Variants in DEPTOR observed in about 807,000 individuals in gnomAD.
DEPTOR encodes the protein DEP domain-containing mTOR-interacting protein.
DEPTOR carries 41 observed loss-of-function variants against 41.6 expected under a neutral mutation model. The ratio of observed to expected loss-of-function variants is 0.98; its 90% confidence interval spans 0.77 to 1.28. The LOEUF (loss-of-function observed/expected upper bound fraction) is 1.28, where lower values mean the gene tolerates loss of function less well. Among genes scored for constraint, DEPTOR ranks in the 50% most tolerant of loss-of-function variants. The probability of loss-of-function intolerance (pLI) is 0.00; values close to 1 mark genes in which losing one functional copy is unlikely to be tolerated. For synonymous variants in DEPTOR, 195 were observed against 192.3 expected (o/e 1.01, Z -0.12); for missense variants, 514 against 527.9 (o/e 0.97, Z 0.26).
Position 120,031,763 on chromosome 8 carries a change from C to T in DEPTOR, c.1102-17813C>T, listed in dbSNP as rs530636445. Among the ~76,000 whole-genome samples, 4 of 152,304 alleles carry T rather than the reference C, an allele frequency of 2.6e-5. No homozygotes were observed. In the South Asian group the frequency reaches 8.3e-4, roughly 32 times the overall value. Reference sequence around the variant, plus strand: ...CAACATTTTTCTTCAAATTAGGCAGCCTTGATACTGGGAGCTCTCTTGTCT... The same window carrying T: ...CAACATTTTTCTTCAAATTAGGCAGTCTTGATACTGGGAGCTCTCTTGTCT... On this transcript the variant is annotated intron_variant, in intron 8 of 8. Coordinates refer to ENST00000286234, the MANE Select transcript of DEPTOR (RefSeq NM_022783.4).
chr8:120,006,911 C>T (rs748734475), intron 7 of DEPTOR, 36 bp downstream of exon 7: 1 of 1,603,378 alleles, frequency 6.2e-7, no homozygotes, highest in South Asian at 1.1e-5. Context: ...TCCCGTGCTG[C>T]CCATTTTTCT....
At chr8:119,964,824 A>T (rs1245268776) in intron 3 of DEPTOR, among the ~76,000 whole-genome samples, 1 of 151,948 alleles carries the variant, frequency 6.6e-6, no homozygotes, top group East Asian at 1.9e-4. Context: ...TTGTAATCCC[A>T]GCACTTTGGG....
chr8:119,962,317 T>A (rs1356333573), intron 3 of DEPTOR, among the ~76,000 whole-genome samples: 1 of 151,986 alleles, frequency 6.6e-6, no homozygotes, highest in East Asian at 1.9e-4. Context: ...GGACTCAACC[T>A]TCTTGGAGCC....
At chr8:119,971,088 C>T (rs894081502) in intron 4 of DEPTOR, among the ~76,000 whole-genome samples, 3 of 152,076 alleles carry the variant, frequency 2.0e-5, no homozygotes, top group South Asian at 2.1e-4. Flanking sequence ...AAAACTTAGC[C>T]GGGCATGGTG....
At chr8:119,882,005 C>T (rs553310821) in intron 1 of DEPTOR, among the ~76,000 whole-genome samples, 19 of 152,314 alleles carry the variant, frequency 1.2e-4, no homozygotes, top group Non-Finnish European at 2.8e-4. Flanking sequence ...ATTGTCCCGC[C>T]TCAGCGTCCT....
chr8:119,970,740 G>T (rs536504025), intron 4 of DEPTOR, among the ~76,000 whole-genome samples: 1 of 152,284 alleles, frequency 6.6e-6, no homozygotes, highest in East Asian at 1.9e-4. Flanking sequence ...ACAGTGAAAG[G>T]ATACACAGCA....
intron 1 of DEPTOR, among the ~76,000 whole-genome samples, chr8:119,922,246 A>T (rs537674528): frequency 6.6e-6 from 1 of 152,100 alleles, no homozygotes; most frequent in East Asian, 1.9e-4. Flanking sequence ...TCAAAAAAAA[A>T]AAAAAAGATA....
chr8:119,941,745 C>G (rs962799351), intron 3 of DEPTOR, among the ~76,000 whole-genome samples: 3 of 152,164 alleles, frequency 2.0e-5, no homozygotes, highest in African/African-American at 7.2e-5. Context: ...TGGTTATTCT[C>G]CCTTTGGAAA....
chr8:119,883,608 A>G (rs1827327824), intron 1 of DEPTOR, among the ~76,000 whole-genome samples: 1 of 151,950 alleles, frequency 6.6e-6, no homozygotes, highest in Non-Finnish European at 1.5e-5. Context: ...GCAGCTGCAG[A>G]GGAGGAGGTA....
intron 3 of DEPTOR, among the ~76,000 whole-genome samples, chr8:119,954,845 G>GGT (rs10649943): frequency 0.53 from 77,863 of 147,840 alleles, 20,927 homozygotes; most frequent in Middle Eastern, 0.66. Context: ...GGCAAATATT[G>GGT]GTGTGTGTGT....
intron 2 of DEPTOR, among the ~76,000 whole-genome samples, chr8:119,929,282 T>G (rs1828009673): frequency 6.6e-6 from 1 of 152,122 alleles, no homozygotes; most frequent in Non-Finnish European, 1.5e-5. Flanking sequence ...CCAATTTCGA[T>G]TCATTCTTCA....
intron 7 of DEPTOR, 133 bp from the exon 8 acceptor site, chr8:120,008,896 G>T: frequency 2.6e-6 from 2 of 760,880 alleles, no homozygotes; most frequent in South Asian, 1.8e-5. Context: ...CAATCCCCTG[G>T]CAGGGAAGAG....
At chr8:120,043,902 C>T (rs1813116590) in intron 8 of DEPTOR, among the ~76,000 whole-genome samples, 1 of 151,704 alleles carries the variant, frequency 6.6e-6, no homozygotes, top group Non-Finnish European at 1.5e-5. Context: ...ATCCCAGCTA[C>T]TTGGGAGGCT....
At chr8:120,026,980 A>G (rs1036607840) in intron 8 of DEPTOR, among the ~76,000 whole-genome samples, 6 of 152,154 alleles carry the variant, frequency 3.9e-5, no homozygotes, top group African/African-American at 7.2e-5. Flanking sequence ...GTACTTTGGG[A>G]GACCGAGGTG....
chr8:120,004,653 A>G (rs1054511455), intron 6 of DEPTOR, among the ~76,000 whole-genome samples: 1 of 152,194 alleles, frequency 6.6e-6, no homozygotes, highest in Non-Finnish European at 1.5e-5. Flanking sequence ...CCTCTGGGTC[A>G]AAGGGAAGAG....
intron 1 of DEPTOR, among the ~76,000 whole-genome samples, chr8:119,914,562 C>A (rs532980131): frequency 1.3e-5 from 2 of 152,094 alleles, no homozygotes; most frequent in African/African-American, 2.4e-5. Flanking sequence ...GCCTCAGCCT[C>A]CCTAGTAGCT....
chr8:119,886,522 C>T (rs1827366975), intron 1 of DEPTOR, among the ~76,000 whole-genome samples: 1 of 152,012 alleles, frequency 6.6e-6, no homozygotes, highest in Non-Finnish European at 1.5e-5. Flanking sequence ...GATACACACA[C>T]ACAGATACAT....
chr8:120,007,399 A>G (rs920682289), intron 7 of DEPTOR, among the ~76,000 whole-genome samples: 3 of 152,096 alleles, frequency 2.0e-5, no homozygotes, highest in African/African-American at 7.2e-5. Flanking sequence ...TGCTTCGACA[A>G]TGTGTGCATG....
At chr8:119,963,756 T>C (rs1166167748) in intron 3 of DEPTOR, among the ~76,000 whole-genome samples, 1 of 152,070 alleles carries the variant, frequency 6.6e-6, no homozygotes, top group African/African-American at 2.4e-5. Context: ...TTGGAGCTAT[T>C]TTGGAGATGT....
Sources: gnomAD v4.1 joint callset for allele counts (sites outside exome capture counted in the v4.1 genomes callset) on GRCh38, gnomAD v4.1.1 for gene constraint, MANE v1.5 for transcripts, NCBI Gene and HGNC (gene_info 2026-07-23, HGNC 2026-07-21) for gene names.